Variants in ABHD3 observed in about 807,000 individuals in gnomAD.
ABHD3 encodes the protein phospholipase ABHD3.
In ABHD3, 46 loss-of-function variants were observed where a neutral mutation model predicts 48.8. The observed-to-expected ratio is 0.94, with a 90% CI of 0.74 to 1.20. The LOEUF (loss-of-function observed/expected upper bound fraction) is 1.20. Among genes scored for constraint, ABHD3 ranks in the 50% most tolerant of loss-of-function variants. ABHD3 has a pLI of 0.00. For missense variants in ABHD3, 490 were observed against 497.8 expected (o/e 0.98, Z 0.15); for synonymous variants, 192 against 183.7 (o/e 1.04, Z -0.36).
intron 3 of ABHD3, among the ~76,000 whole-genome samples, chr18:21,689,767 C>G (rs1297770780): frequency 6.6e-6 from 1 of 151,872 alleles, no homozygotes; most frequent in Non-Finnish European, 1.5e-5. Context: ...TACAAGCAAC[C>G]CAATTAAGGC....
chr18:21,694,631 C>T (rs886131819), intron 3 of ABHD3, among the ~76,000 whole-genome samples: 5 of 152,150 alleles, frequency 3.3e-5, no homozygotes, highest in Non-Finnish European at 7.4e-5. Flanking sequence ...TACAATCTTG[C>T]AAAAATCCCT....
intron 3 of ABHD3, among the ~76,000 whole-genome samples, chr18:21,698,777 C>T (rs775153021): frequency 3.3e-5 from 5 of 151,386 alleles, no homozygotes; most frequent in East Asian, 2.0e-4. Context: ...GATGGGGTTT[C>T]GCCATGTGGG....
At chr18:21,661,102 T>TAAAAAAAATAAA (rs2039482680) in intron 5 of ABHD3, among the ~76,000 whole-genome samples, 1 of 57,226 alleles carries the variant, frequency 1.7e-5, no homozygotes, top group Non-Finnish European at 3.2e-5. Context: ...AACTACAAGC[T>TAAAAAAAATAAA]AAAAAAAAAA....
intron 3 of ABHD3, chr18:21,701,591 C>T (rs2040514404): frequency 6.6e-6 from 1 of 151,972 alleles, no homozygotes; most frequent in Admixed American, 6.6e-5. Flanking sequence ...ACTTTAAATA[C>T]AACTCACAGA....
rs2040065135 is a variant in ABHD3 at position 21,683,862 on chromosome 18, A to T, written c.555+58T>A. 5.5e-6 allele frequency: 8 copies of T among 1,461,290 alleles called. No individual in the cohort carries two copies. In the Admixed American group the frequency reaches 1.7e-4, roughly 31 times the overall value. 90.5% of individuals were successfully genotyped at this position (1,461,290 alleles called of 1,614,324 possible). On this transcript the variant is annotated intron_variant, in intron 4 of 8. Transcript: ENST00000289119. The stretch of plus-strand genomic sequence containing the variant: ...AAATAAAAAGAATATGCTTTTTGTT[A>T]TAAAACTAGAAATGATTCTTTAAAA...
intron 3 of ABHD3, among the ~76,000 whole-genome samples, chr18:21,698,334 C>T (rs894016304): frequency 2.6e-5 from 4 of 151,766 alleles, no homozygotes; most frequent in Non-Finnish European, 4.4e-5. Context: ...TACAGGCACC[C>T]GCCACCACGT....
chr18:21,655,207 T>C (rs1389724364), intron 8 of ABHD3: 3 of 152,072 alleles, frequency 2.0e-5, no homozygotes, highest in African/African-American at 7.2e-5. Context: ...ATGTGTTATG[T>C]TTATAGTCAG....
At chr18:21,684,152 T>C (rs2040073511) in intron 3 of ABHD3, among the ~76,000 whole-genome samples, 187 bp from the exon 4 acceptor site, 1 of 152,172 alleles carries the variant, frequency 6.6e-6, no homozygotes, top group Admixed American at 6.6e-5. Flanking sequence ...TTCTCTAAAT[T>C]CCACATGTGG....
At chr18:21,675,415 C>A (rs1441049979) in intron 4 of ABHD3, among the ~76,000 whole-genome samples, 2 of 151,816 alleles carry the variant, frequency 1.3e-5, no homozygotes, top group South Asian at 4.2e-4. Context: ...ACTACAGGCG[C>A]CTGTTGCCAC....
chr18:21,699,930 C>T (rs980060321), intron 3 of ABHD3, among the ~76,000 whole-genome samples: 8 of 152,146 alleles, frequency 5.3e-5, no homozygotes, highest in Admixed American at 1.3e-4. Context: ...CATGCCTCAG[C>T]CTGTGGATGA....
intron 4 of ABHD3, among the ~76,000 whole-genome samples, chr18:21,672,643 T>C (rs983663578): frequency 6.6e-6 from 1 of 152,248 alleles, no homozygotes; most frequent in East Asian, 1.9e-4. Context: ...ATTATGCTCC[T>C]TAATTGATCT....
chr18:21,693,804 G>A (rs1364194337), intron 3 of ABHD3, among the ~76,000 whole-genome samples: 1 of 152,156 alleles, frequency 6.6e-6, no homozygotes. Flanking sequence ...ATGAGTTACT[G>A]AGAAAAAAAT....
chr18:21,699,722 C>T (rs1001681407), intron 3 of ABHD3, among the ~76,000 whole-genome samples: 2 of 152,138 alleles, frequency 1.3e-5, no homozygotes, highest in Non-Finnish European at 2.9e-5. Flanking sequence ...CTCTTGTTGC[C>T]CAGGCTGGAG....
At position 21,702,616 on chromosome 18, in the gene ABHD3, C is replaced by T. The variant is rs113517002; in HGVS notation, c.327-118G>A. 1,181 of 822,364 alleles carry T rather than the reference C, an allele frequency of 1.4e-3. 15 individuals are homozygous for T. The African/African-American group carries it at 0.019, about 13-fold the overall frequency. 50.9% of individuals were successfully genotyped at this position (822,364 alleles called of 1,614,324 possible). Reference sequence around the variant, plus strand: ...AAAAATAACATTTTTCCAGCATTCACGAACACACACCCATATCTCGATCTA... The same window carrying T: ...AAAAATAACATTTTTCCAGCATTCATGAACACACACCCATATCTCGATCTA... On this transcript the variant is annotated intron_variant, in intron 2 of 8. Transcript: ENST00000289119.
At position 21,656,889 on chromosome 18, in the gene ABHD3, AG is replaced by A. The variant is rs1159008903; in HGVS notation, c.1028del (p.Ser343LeufsTer14). ...GACTGGGTGAGAAAACATCATCCAC[AG>A]AATTTAGACACAATACTGGAATTCC... ...SVGIPVLCLN[S>X]VDDVFSPSHA... On this transcript the variant is annotated frameshift_variant, in exon 8 of 9. Transcript: ENST00000289119. LOFTEE classifies it high-confidence loss of function. 1.1e-5 allele frequency: 18 copies of A among 1,602,928 alleles called. No homozygotes were observed. Among genetic ancestry groups the A allele is most frequent in the Non-Finnish European group, 1.5e-5 (18 of 1,172,380 alleles).
At chr18:21,689,819 GGA>G (rs931885070) in intron 3 of ABHD3, among the ~76,000 whole-genome samples, 4 of 152,080 alleles carry the variant, frequency 2.6e-5, no homozygotes, top group Non-Finnish European at 5.9e-5. Context: ...TTACAACAGA[GGA>G]GAGAGAGTTT....
intron 4 of ABHD3, among the ~76,000 whole-genome samples, chr18:21,670,739 G>C (rs909530621): frequency 2.0e-5 from 3 of 152,164 alleles, no homozygotes; most frequent in African/African-American, 7.2e-5. Context: ...AGAAGGCTGG[G>C]CATGGTAGCT....
At chr18:21,678,061 A>G (rs1032494611) in intron 4 of ABHD3, among the ~76,000 whole-genome samples, 11 of 152,006 alleles carry the variant, frequency 7.2e-5, no homozygotes, top group Admixed American at 5.9e-4. Context: ...GGCTCAAGCA[A>G]TCCTCCTGTA....
intron 4 of ABHD3, among the ~76,000 whole-genome samples, chr18:21,671,888 C>G (rs1411586791): frequency 6.6e-6 from 1 of 152,184 alleles, no homozygotes; most frequent in African/African-American, 2.4e-5. Context: ...CCTCCTGCCT[C>G]AGCCTCCCAA....
Sources: gnomAD v4.1 joint callset for allele counts (sites outside exome capture counted in the v4.1 genomes callset) on GRCh38, gnomAD v4.1.1 for gene constraint, MANE v1.5 for transcripts, NCBI Gene and HGNC (gene_info 2026-07-23, HGNC 2026-07-21) for gene names.